The following UPRT variants were observed in gnomAD, a reference collection of about 807,000 sequenced individuals.
UPRT encodes the protein uracil phosphoribosyltransferase homolog.
A neutral mutation model predicts 22.6 loss-of-function variants in UPRT; 5 were observed. The ratio of observed to expected loss-of-function variants is 0.22; its 90% CI spans 0.12 to 0.47. UPRT has a LOEUF of 0.47. Ranked by LOEUF, UPRT falls within the 20% of genes least tolerant of loss-of-function variation. The pLI, the probability that UPRT is intolerant of heterozygous loss-of-function variation, is 0.99. For synonymous variants in UPRT, 77 were observed against 87.7 expected (o/e 0.88, Z 0.68); for missense variants, 181 against 239.9 (o/e 0.75, Z 1.62).
chrX:75,205,354 G>A (rs911219383), intron 4 of UPRT, among the ~76,000 whole-genome samples: 7 of 93,056 alleles, frequency 7.5e-5, no homozygotes, highest in Admixed American at 5.5e-4. Context: ...TCCGCAGTCC[G>A]GCCTGGGCGA....
At chrX:75,230,989 T>C (rs1257484785) in intron 4 of UPRT, among the ~76,000 whole-genome samples, 1 of 110,943 alleles carries the variant, frequency 9.0e-6, no homozygotes, top group African/African-American at 3.3e-5. Flanking sequence ...TGAAACAGTC[T>C]ACCCAAATAA....
intron 4 of UPRT, among the ~76,000 whole-genome samples, chrX:75,182,024 A>G (rs184279819): frequency 5.4e-5 from 6 of 112,101 alleles, no homozygotes; most frequent in Non-Finnish European, 7.5e-5. Context: ...TATTCCTTCA[A>G]TGCCTAGTTT....
exon 1 of UPRT, among the ~76,000 whole-genome samples, chrX:75,156,492 T>G (rs1019362939): frequency 4.5e-5 from 5 of 111,496 alleles, no homozygotes; most frequent in African/African-American, 6.5e-5. Flanking sequence ...AATATTGGAG[T>G]AACACTGTAT....
intron 1 of UPRT, among the ~76,000 whole-genome samples, chrX:75,292,559 A>T (rs1251883537): frequency 1.8e-5 from 2 of 111,547 alleles, no homozygotes; most frequent in African/African-American, 6.5e-5. Flanking sequence ...GAAATTAATG[A>T]TATACTGAGA....
At chrX:75,248,308 TG>T (rs764582583) in intron 4 of UPRT, among the ~76,000 whole-genome samples, 2 of 110,933 alleles carry the variant, frequency 1.8e-5, no homozygotes, top group Admixed American at 9.6e-5. Flanking sequence ...ATAAAAACCT[TG>T]AAAAAAAATT....
At chrX:75,292,160 A>G (rs1297090534) in intron 1 of UPRT, among the ~76,000 whole-genome samples, 4 of 111,865 alleles carry the variant, frequency 3.6e-5, no homozygotes, top group Non-Finnish European at 7.5e-5. Context: ...CTGCCTAGGT[A>G]AGTTAGTATA....
At chrX:75,234,821 A>T (rs1406964766) in intron 4 of UPRT, among the ~76,000 whole-genome samples, 8 of 111,699 alleles carry the variant, frequency 7.2e-5, no homozygotes, top group East Asian at 2.8e-4. Context: ...CTAAATGCCC[A>T]CAAGAGAAAG....
chrX:75,290,797 T>C (rs1328352322), intron 1 of UPRT, among the ~76,000 whole-genome samples: 2 of 109,038 alleles, frequency 1.8e-5, no homozygotes, highest in Non-Finnish European at 3.8e-5. Flanking sequence ...GACTACTAAA[T>C]GGGGGAAGGA....
At chrX:75,219,105 G>T (rs898683423) in intron 4 of UPRT, among the ~76,000 whole-genome samples, 6 of 112,110 alleles carry the variant, frequency 5.4e-5, no homozygotes, top group African/African-American at 1.6e-4. Flanking sequence ...AAAACACTTG[G>T]ATATTGTGGC....
At chrX:75,272,345 CACATATAT>C (rs1187402628), upstream of UPRT, among the ~76,000 whole-genome samples, 3 of 78,247 alleles carry the variant, frequency 3.8e-5, no homozygotes, top group Admixed American at 4.1e-4. Context: ...TATATATATA[CACATATAT>C]ATATGTGTAT....
intron 4 of UPRT, among the ~76,000 whole-genome samples, chrX:75,259,593 A>G (rs760199744): frequency 1.8e-5 from 2 of 110,506 alleles, no homozygotes; most frequent in South Asian, 7.6e-4. Flanking sequence ...AAAGCCTCTG[A>G]GAAATATGGC....
chrX:75,188,110 A>G (rs1483596709), intron 4 of UPRT, among the ~76,000 whole-genome samples: 1 of 111,329 alleles, frequency 9.0e-6, no homozygotes, highest in Non-Finnish European at 1.9e-5. Flanking sequence ...TGCTTTTTAG[A>G]GTTTCCAGTT....
chrX:75,241,878 CA>C (rs201810861), intron 4 of UPRT, among the ~76,000 whole-genome samples: 4,101 of 110,220 alleles, frequency 0.037, 100 homozygotes, highest in Non-Finnish European at 0.063. Context: ...TATGAGGATA[CA>C]AAGGCATAAG....
chrX:75,215,684 C>T (rs1050331154), intron 4 of UPRT, among the ~76,000 whole-genome samples: 1 of 111,159 alleles, frequency 9.0e-6, no homozygotes, highest in Non-Finnish European at 1.9e-5. Context: ...TTTGACTAGC[C>T]CTATATCCAT....
chrX:75,282,678 G>C (rs758685819), intron 1 of UPRT, among the ~76,000 whole-genome samples: 2 of 111,978 alleles, frequency 1.8e-5, no homozygotes, highest in South Asian at 7.5e-4. Context: ...ATTCAGGCTT[G>C]TTTTATGGCC....
chrX:75,286,416 A>G lies in UPRT; in HGVS notation c.387-7056A>G, dbSNP rs549671907. ...TATGCTACAAACAAACTTTGTATAT[A>G]ATCCTCCCAGAGAGAGTGATATATT... On this transcript the variant is annotated intron_variant, in intron 1 of 6. Coordinates refer to ENST00000373383, the MANE Select transcript of UPRT (RefSeq NM_145052.4). Among the ~76,000 whole-genome samples the G allele has an allele frequency of 1.3e-4, 14 of 111,124 alleles. No homozygotes were observed. In the South Asian group the frequency reaches 5.4e-3, roughly 43 times the overall value.
intron 4 of UPRT, among the ~76,000 whole-genome samples, chrX:75,244,001 C>T (rs1436213469): frequency 2.7e-5 from 3 of 111,588 alleles, no homozygotes; most frequent in African/African-American, 9.8e-5. Context: ...AAAAGATGCA[C>T]AGGTTTTCAA....
chrX:75,240,542 A>G (rs957764927), intron 4 of UPRT, among the ~76,000 whole-genome samples: 3 of 111,918 alleles, frequency 2.7e-5, no homozygotes, highest in Non-Finnish European at 3.8e-5. Flanking sequence ...TCCCATCAAA[A>G]TGCCACCATC....
chrX:75,199,351 ATCAG>A (rs1361385631), intron 4 of UPRT, among the ~76,000 whole-genome samples: 4 of 111,395 alleles, frequency 3.6e-5, no homozygotes, highest in African/African-American at 1.3e-4. Flanking sequence ...AGGGTAAGCC[ATCAG>A]TCAGAGTCAT....
Sources: gnomAD v4.1 joint callset for allele counts (sites outside exome capture counted in the v4.1 genomes callset) on GRCh38, gnomAD v4.1.1 for gene constraint, MANE v1.5 for transcripts, NCBI Gene and HGNC (gene_info 2026-07-23, HGNC 2026-07-21) for gene names.